COL22A1: variants seen among roughly 807,000 people sequenced by gnomAD.
COL22A1 encodes the protein collagen alpha-1(XXII) chain.
A neutral mutation model predicts 248.9 loss-of-function variants in COL22A1; 221 were observed. The observed-to-expected ratio is 0.89, with a 90% CI of 0.80 to 0.99. The LOEUF is 0.99. Ranked by LOEUF, COL22A1 falls within the 50% of genes least tolerant of loss-of-function variation. The pLI, the probability that COL22A1 is intolerant of heterozygous loss-of-function variation, is 0.00. For missense variants in COL22A1, 2,240 were observed against 2,179.0 expected (o/e 1.03, Z -0.56); for synonymous variants, 891 against 793.4 (o/e 1.12, Z -2.07).
At chr8:138,699,862 G>GGAAAATA (rs1827810145) in intron 32 of COL22A1, among the ~76,000 whole-genome samples, 1 of 152,252 alleles carries the variant, frequency 6.6e-6, no homozygotes, top group Non-Finnish European at 1.5e-5. Flanking sequence ...AGAGATGCCT[G>GGAAAATA]GCCTTTGCTC....
intron 5 of COL22A1, among the ~76,000 whole-genome samples, chr8:138,828,586 T>G (rs1338617504): frequency 6.6e-6 from 1 of 152,162 alleles, no homozygotes; most frequent in Non-Finnish European, 1.5e-5. Flanking sequence ...TTTTGAGAGC[T>G]TAACACAAGC....
chr8:138,638,579 G>A (rs1821396797), intron 47 of COL22A1, among the ~76,000 whole-genome samples: 1 of 152,094 alleles, frequency 6.6e-6, no homozygotes, highest in East Asian at 1.9e-4. Context: ...GATATATTGG[G>A]AGGGTTAGGT....
At chr8:138,614,066 T>C in intron 55 of COL22A1, 146 bp from the exon 56 acceptor site, 1 of 688,962 alleles carries the variant, frequency 1.5e-6, no homozygotes, top group Non-Finnish European at 2.6e-6. Flanking sequence ...AATTGTCCAT[T>C]ATTCCAAATA....
chr8:138,684,398 C>A, intron 39 of COL22A1, 27 bp downstream of exon 39: 1 of 1,562,712 alleles, frequency 6.4e-7, no homozygotes, highest in Non-Finnish European at 8.8e-7. Context: ...CTCGTGGCAC[C>A]CACAGTTTTC....
chr8:138,604,741 C>T lies in COL22A1; in HGVS notation c.4133G>A (p.Gly1378Asp), dbSNP rs949079219. ...TGGGCGTGTGATACTTGCCTCCTTG[C>T]CTGGGACTCCTTTCTCTCCTGGTTC... is the stretch of plus-strand genomic sequence containing the variant. ...PGEPGEKGVP[G>D]KEGVPGKPGE... Residue 1378 changes from glycine to aspartate, a missense_variant, in exon 59 of 65, where the codon GGC becomes GAC. Gly to Asp is a moderately conservative substitution (Grantham distance 94). Transcript: ENST00000303045. 6.2e-7 allele frequency: 1 copy of T among 1,612,832 alleles called. No individual in the cohort carries two copies. Among genetic ancestry groups the T allele is most frequent in the African/African-American group, 1.3e-5 (1 of 74,896 alleles).
At chr8:138,601,210 C>G (rs147794813) in intron 60 of COL22A1, among the ~76,000 whole-genome samples, 131 of 152,122 alleles carry the variant, frequency 8.6e-4, no homozygotes, top group Non-Finnish European at 1.4e-3. Flanking sequence ...ACATGTCCCT[C>G]ATGTCCCTGG....
chr8:138,910,741 G>C (rs1186450666), intron 1 of COL22A1, among the ~76,000 whole-genome samples: 2 of 152,132 alleles, frequency 1.3e-5, no homozygotes, highest in East Asian at 3.9e-4. Context: ...TTCCCAGCAT[G>C]TGCAAAAAGG....
chr8:138,776,262 G>A lies in COL22A1; in HGVS notation c.1759-252C>T, dbSNP rs563396842. On this transcript the variant is annotated intron_variant, in intron 15 of 64. Transcript: ENST00000303045. ...CCTGGGCTTGTCCCTTGGCTTAGGC[G>A]ATCCAGGTCCTCACGGCCATAGATT... Among the ~76,000 whole-genome samples the A allele has an allele frequency of 7.2e-5, 11 of 152,244 alleles. No homozygotes were observed. In the East Asian group the frequency reaches 1.7e-3, roughly 24 times the overall value.
intron 3 of COL22A1, among the ~76,000 whole-genome samples, chr8:138,871,332 C>T (rs1416562804): frequency 1.3e-5 from 2 of 152,180 alleles, no homozygotes; most frequent in Admixed American, 1.3e-4. Flanking sequence ...ATGGCTGAGC[C>T]CCCAGTCCTG....
At chr8:138,880,844 A>G (rs991485006) in intron 2 of COL22A1, among the ~76,000 whole-genome samples, 9 of 152,226 alleles carry the variant, frequency 5.9e-5, no homozygotes, top group African/African-American at 1.9e-4. Flanking sequence ...CGGCCTGCAG[A>G]CTGTAATCCT....
At chr8:138,772,812 G>A (rs886237472) in intron 16 of COL22A1, among the ~76,000 whole-genome samples, 4 of 152,102 alleles carry the variant, frequency 2.6e-5, no homozygotes, top group South Asian at 2.1e-4. Flanking sequence ...GCAGTGAGCC[G>A]AGATCGCACC....
intron 1 of COL22A1, among the ~76,000 whole-genome samples, chr8:138,901,127 T>C (rs1239920451): frequency 6.6e-6 from 1 of 151,722 alleles, no homozygotes; most frequent in Non-Finnish European, 1.5e-5. Context: ...AGCTAGCATG[T>C]TCACAGATTT....
chr8:138,883,113 A>G lies in COL22A1; in HGVS notation c.60T>C (p.Ser20=). 6.3e-7 allele frequency: 1 copy of G among 1,595,126 alleles called. No individual in the cohort carries two copies. Among genetic ancestry groups the G allele is most frequent in the South Asian group, 1.1e-5 (1 of 88,040 alleles). The change falls in exon 2 of 65, where the codon AGT becomes AGC. Residue 20 remains serine, a synonymous_variant. Transcript: ENST00000303045. ...GCTGAGCCTGGCAGCCGCCGCCCCC[A>G]CTCCACAGCAGCAGCATCCAGAGGA... is the stretch of plus-strand genomic sequence containing the variant. The part of the protein sequence containing the change: ...AGLLWMLLLW[S]GGGGCQAQRA...
chr8:138,639,881 C>T (rs1399339734), intron 47 of COL22A1, among the ~76,000 whole-genome samples: 1 of 152,160 alleles, frequency 6.6e-6, no homozygotes, highest in African/African-American at 2.4e-5. Flanking sequence ...CTATTTCCTG[C>T]CATGAAGATG....
intron 1 of COL22A1, among the ~76,000 whole-genome samples, chr8:138,884,436 C>T (rs1431328310): frequency 6.6e-6 from 1 of 152,204 alleles, no homozygotes; most frequent in Non-Finnish European, 1.5e-5. Context: ...TCAATGTTTG[C>T]AATGGTAGCG....
chr8:138,650,315 T>C (rs1293308823), intron 45 of COL22A1, among the ~76,000 whole-genome samples: 3 of 152,216 alleles, frequency 2.0e-5, no homozygotes, highest in Non-Finnish European at 4.4e-5. Flanking sequence ...ATGCCGACTC[T>C]GACCATGCTT....
Position 138,769,762 on chromosome 8 carries a change from T to C in COL22A1, c.1803+6204A>G, listed in dbSNP as rs1019109939. On this transcript the variant is annotated intron_variant, in intron 16 of 64. Transcript: ENST00000303045. ...ACTTATCACAGTCACTCCTAGTGCA[T>C]GACACTGCCAACCCCTCAAAAGCAA... Among the ~76,000 whole-genome samples the C allele has an allele frequency of 1.4e-4, 22 of 152,222 alleles. 2 individuals carry two copies. Among genetic ancestry groups the C allele is most frequent in the Admixed American group, 1.1e-3 (17 of 15,286 alleles).
At chr8:138,621,733 T>C (rs1274179807) in intron 52 of COL22A1, among the ~76,000 whole-genome samples, 1 of 152,176 alleles carries the variant, frequency 6.6e-6, no homozygotes, top group African/African-American at 2.4e-5. Flanking sequence ...CCACAGCCCA[T>C]AAGGTTCTTC....
intron 37 of COL22A1, among the ~76,000 whole-genome samples, chr8:138,688,446 G>T (rs988343204): frequency 1.3e-5 from 2 of 152,052 alleles, no homozygotes; most frequent in East Asian, 3.9e-4. Context: ...GCTTGAACCC[G>T]GGAGGCAGAG....
Sources: allele counts gnomAD v4.1 joint callset (sites outside exome capture counted in the v4.1 genomes callset), GRCh38; gene constraint gnomAD v4.1.1; transcripts MANE v1.5; gene names NCBI Gene and HGNC (gene_info 2026-07-23, HGNC 2026-07-21).